NRP2: variants seen among roughly 807,000 people sequenced by gnomAD.
NRP2 encodes the protein neuropilin-2.
A neutral mutation model predicts 110.4 loss-of-function variants in NRP2; 52 were observed. That is an observed-to-expected ratio of 0.47 (90% CI 0.38 to 0.59). The LOEUF is 0.59. NRP2 is among the 20% of genes least tolerant of loss of function. The probability of loss-of-function intolerance (pLI) is 0.00; values close to 1 mark genes in which losing one functional copy is unlikely to be tolerated. For synonymous variants in NRP2, 508 were observed against 468.9 expected, an observed-to-expected ratio of 1.08 and a Z score of -1.08; for missense variants, 1,049 against 1,203.0, an observed-to-expected ratio of 0.87 and a Z score of 1.89.
chr2:205,713,384 A>T (rs2056835763), intron 2 of NRP2, among the ~76,000 whole-genome samples: 1 of 152,236 alleles, frequency 6.6e-6, no homozygotes, highest in Non-Finnish European at 1.5e-5. Context: ...TGTCTCATTT[A>T]TTCCTCACTC....
intron 1 of NRP2, among the ~76,000 whole-genome samples, chr2:205,688,206 C>A (rs776775919): frequency 8.5e-5 from 13 of 152,272 alleles, no homozygotes; most frequent in Non-Finnish European, 1.8e-4. Context: ...GTCATCTGGG[C>A]AATGGCTTGT....
Position 205,686,096 on chromosome 2 carries a change from G to A in NRP2, c.73+2733G>A, listed in dbSNP as rs879483888. On this transcript the variant is annotated intron_variant, in intron 1 of 16. Transcript: ENST00000357785. This position sits in a 1 kb window ranked among gnomAD's most constrained non-coding sequence, Gnocchi z 4.7. ...CGCCGCATCGATTTGTTTGGGCTAC[G>A]CAGCAGAAACAGAGCCCAGCGATCC... is the stretch of plus-strand genomic sequence containing the variant. Among the ~76,000 whole-genome samples the A allele has an allele frequency of 7.3e-5, 11 of 151,256 alleles. No homozygotes were observed. Among genetic ancestry groups the A allele is most frequent in the Admixed American group, 2.0e-4 (3 of 15,220 alleles).
chr2:205,689,981 G>A (rs76920954), intron 1 of NRP2, among the ~76,000 whole-genome samples: 4,161 of 152,220 alleles, frequency 0.027, 91 homozygotes, highest in African/African-American at 0.06. Flanking sequence ...AAAAGGAGGG[G>A]CTGGGAATAA....
chr2:205,719,101 C>T lies in NRP2; in HGVS notation c.433+2727C>T, dbSNP rs184465180. Among the ~76,000 whole-genome samples, 18 of 152,262 alleles carry T rather than the reference C, an allele frequency of 1.2e-4. No homozygotes were observed. The South Asian group carries it at 2.7e-3, about 23-fold the overall frequency. ...CAGGAGAGAAAATATACAAAGTTTA[C>T]GTCATCCACAGAACATGAAAGAAAT... On this transcript the variant is annotated intron_variant, in intron 3 of 16. Transcript: ENST00000357785.
At chr2:205,723,276 T>C (rs1052232004) in intron 4 of NRP2, among the ~76,000 whole-genome samples, 3 of 152,242 alleles carry the variant, frequency 2.0e-5, no homozygotes, top group African/African-American at 7.2e-5. Flanking sequence ...ATCTTGGGTC[T>C]AATTAGTATT....
intron 15 of NRP2, 37 bp downstream of exon 15, chr2:205,766,840 G>A (rs758438532): frequency 6.4e-7 from 1 of 1,570,150 alleles, no homozygotes; most frequent in Non-Finnish European, 8.7e-7. Flanking sequence ...TTTTTTTTTT[G>A]CATGCTTTTT....
intron 11 of NRP2, among the ~76,000 whole-genome samples, chr2:205,752,054 G>A (rs926908961): frequency 6.6e-6 from 1 of 152,152 alleles, no homozygotes; most frequent in African/African-American, 2.4e-5. Context: ...CATCAAAGCA[G>A]ACAGGACACC....
chr2:205,727,766 T>A, intron 6 of NRP2, 125 bp from the exon 7 acceptor site: 1 of 891,102 alleles, frequency 1.1e-6, no homozygotes, highest in East Asian at 2.7e-5. Context: ...TAATTACAAG[T>A]ATGTCTCAGT....
intron 1 of NRP2, among the ~76,000 whole-genome samples, chr2:205,690,062 C>T (rs931917738): frequency 4.6e-5 from 7 of 152,202 alleles, no homozygotes; most frequent in Admixed American, 6.5e-5. Context: ...GGCCGTGGTA[C>T]CCTGCTCCCG....
chr2:205,689,760 T>G (rs1021078494), intron 1 of NRP2, among the ~76,000 whole-genome samples: 3 of 152,150 alleles, frequency 2.0e-5, no homozygotes, highest in Admixed American at 6.5e-5. Context: ...TCCCCTTCCA[T>G]CCTTCAACAC....
chr2:205,711,141 G>C (rs779378206), intron 2 of NRP2, among the ~76,000 whole-genome samples: 2 of 152,164 alleles, frequency 1.3e-5, no homozygotes. Flanking sequence ...ATCGTAGCAC[G>C]CATTCTTCTC....
intron 15 of NRP2, among the ~76,000 whole-genome samples, chr2:205,780,674 C>T (rs2058163651): frequency 6.6e-6 from 1 of 152,122 alleles, no homozygotes; most frequent in South Asian, 2.1e-4. Context: ...CTTAAAGGTC[C>T]TGAGAAAATG....
At chr2:205,728,590 C>G (rs926333483) in intron 7 of NRP2, among the ~76,000 whole-genome samples, 1 of 152,236 alleles carries the variant, frequency 6.6e-6, no homozygotes, top group African/African-American at 2.4e-5. Context: ...ATTGAATTCT[C>G]TCTGCTGGTG....
At chr2:205,709,389 G>T (rs569536689) in intron 2 of NRP2, among the ~76,000 whole-genome samples, 1 of 152,148 alleles carries the variant, frequency 6.6e-6, no homozygotes, top group African/African-American at 2.4e-5. Context: ...ATAGCCAGGG[G>T]CTCTCAGGTG....
chr2:205,718,761 G>A (rs943052776), intron 3 of NRP2, among the ~76,000 whole-genome samples: 1 of 152,078 alleles, frequency 6.6e-6, no homozygotes, highest in Admixed American at 6.6e-5. Context: ...GGCCAACATG[G>A]CGAAACCTGG....
chr2:205,740,535 A>G lies in NRP2; in HGVS notation c.1163A>G (p.Asn388Ser), dbSNP rs1483216264. Residue 388 changes from asparagine to serine, a missense_variant, in exon 8 of 17, where the codon AAC becomes AGC. Asn to Ser is a conservative substitution (Grantham distance 46). Transcript: ENST00000357785. Reference protein sequence around the residue: ...GKNHKVFQANNDATEVVLNKL... With the variant: ...GKNHKVFQANSDATEVVLNKL... ...ACGCTACAGGTATTTCAAGCCAACA[A>G]CGATGCAACTGAGGTGGTTCTGAAC... 2 of 1,614,240 alleles carry G rather than the reference A, an allele frequency of 1.2e-6. No homozygotes were observed. The highest frequency in any genetic ancestry group is 1.1e-5 in the South Asian group (1 of 91,078).
At chr2:205,746,298 G>A (rs1180734178) in intron 10 of NRP2, among the ~76,000 whole-genome samples, 1 of 152,232 alleles carries the variant, frequency 6.6e-6, no homozygotes, top group East Asian at 1.9e-4. Flanking sequence ...GTGGCTAAGA[G>A]ACTTCATTTT....
intron 15 of NRP2, chr2:205,776,561 G>C (rs750099183): frequency 2.5e-6 from 4 of 1,600,428 alleles, no homozygotes; most frequent in Non-Finnish European, 3.4e-6. Context: ...AAACAAACGA[G>C]AAAGACTGCA....
intron 15 of NRP2, among the ~76,000 whole-genome samples, chr2:205,791,013 A>G (rs187174303): frequency 3.9e-5 from 6 of 152,352 alleles, no homozygotes; most frequent in African/African-American, 1.4e-4. Context: ...GCCAGAAATG[A>G]GAAAGACTTC....
Sources: allele counts gnomAD v4.1 joint callset (sites outside exome capture counted in the v4.1 genomes callset), GRCh38; gene constraint gnomAD v4.1.1; non-coding constraint Gnocchi (gnomAD v3.1); transcripts MANE v1.5; gene names NCBI Gene and HGNC (gene_info 2026-07-23, HGNC 2026-07-21).